Variants in SGCZ observed in about 807,000 individuals in gnomAD.
SGCZ encodes the protein zeta-sarcoglycan.
A neutral mutation model predicts 41.3 loss-of-function variants in SGCZ; 40 were observed. The ratio of observed to expected loss-of-function variants is 0.97; its 90% CI spans 0.75 to 1.26. SGCZ has a LOEUF of 1.26. SGCZ is among the 50% of genes most tolerant of loss of function. SGCZ has a pLI of 0.00. For missense variants in SGCZ, 552 were observed against 369.8 expected, an observed-to-expected ratio of 1.49 and a Z score of -4.04; for synonymous variants, 206 against 137.5, an observed-to-expected ratio of 1.50 and a Z score of -3.49.
At chr8:14,401,329 C>A (rs976127498) in intron 2 of SGCZ, among the ~76,000 whole-genome samples, 2 of 150,980 alleles carry the variant, frequency 1.3e-5, no homozygotes, top group Non-Finnish European at 2.9e-5. Context: ...GGTACATGTG[C>A]ACATTGTGCA....
intron 1 of SGCZ, among the ~76,000 whole-genome samples, chr8:14,616,473 A>C: frequency 6.6e-6 from 1 of 152,206 alleles, no homozygotes. Flanking sequence ...CAGTAAAAAA[A>C]TGTTATTTTT....
intron 1 of SGCZ, among the ~76,000 whole-genome samples, chr8:14,702,928 GATA>G (rs879312609): frequency 0.083 from 5,839 of 70,250 alleles, 140 homozygotes; most frequent in South Asian, 0.14. Context: ...TAGGTAGGTA[GATA>G]GATAGATAGA....
intron 1 of SGCZ, among the ~76,000 whole-genome samples, chr8:14,651,553 T>C (rs73188153): frequency 0.039 from 5,923 of 152,200 alleles, 170 homozygotes; most frequent in South Asian, 0.14. Context: ...TTTTGTGTTT[T>C]CTTAATCTTT....
chr8:15,094,139 A>T (rs28516917), intron 1 of SGCZ, among the ~76,000 whole-genome samples: 40,870 of 151,580 alleles, frequency 0.27, 5,622 homozygotes, highest in East Asian at 0.39. Context: ...GGTTTTTTTT[A>T]AATTTTTTTT....
intron 2 of SGCZ, among the ~76,000 whole-genome samples, chr8:14,464,347 C>T (rs1298646690): frequency 7.3e-5 from 11 of 151,296 alleles, no homozygotes; most frequent in Non-Finnish European, 8.9e-5. Flanking sequence ...TTTTGTCTTT[C>T]TATGAAGTTG....
At chr8:14,848,459 T>G (rs964779442) in intron 1 of SGCZ, among the ~76,000 whole-genome samples, 1 of 152,176 alleles carries the variant, frequency 6.6e-6, no homozygotes, top group Non-Finnish European at 1.5e-5. Flanking sequence ...ATAGACATTA[T>G]AAAGCTCTTA....
At chr8:14,719,563 G>A (rs1197790049) in intron 1 of SGCZ, among the ~76,000 whole-genome samples, 1 of 151,764 alleles carries the variant, frequency 6.6e-6, no homozygotes, top group East Asian at 1.9e-4. Flanking sequence ...GTGTGAGATG[G>A]TATCTCATTG....
intron 2 of SGCZ, among the ~76,000 whole-genome samples, chr8:14,509,709 C>A (rs1012351926): frequency 5.3e-5 from 8 of 152,100 alleles, no homozygotes; most frequent in African/African-American, 1.9e-4. Flanking sequence ...TAAAGAAATA[C>A]CTGACACAGG....
intron 1 of SGCZ, among the ~76,000 whole-genome samples, chr8:15,103,157 T>A (rs1196827499): frequency 6.6e-6 from 1 of 152,050 alleles, no homozygotes; most frequent in African/African-American, 2.4e-5. Flanking sequence ...TCCCAGCACT[T>A]TGGGAGGCCA....
At chr8:14,700,821 AC>A (rs1218248781) in intron 1 of SGCZ, among the ~76,000 whole-genome samples, 1 of 151,932 alleles carries the variant, frequency 6.6e-6, no homozygotes, top group East Asian at 1.9e-4. Context: ...GCCAACTGCC[AC>A]CACAAAGGGA....
intron 1 of SGCZ, among the ~76,000 whole-genome samples, chr8:14,883,458 T>C (rs1476128167): frequency 6.6e-6 from 1 of 151,924 alleles, no homozygotes; most frequent in Non-Finnish European, 1.5e-5. Context: ...AAAAATGAGT[T>C]TCAGTGCTTA....
chr8:15,072,599 C>T (rs527338544), intron 1 of SGCZ, among the ~76,000 whole-genome samples: 3 of 152,168 alleles, frequency 2.0e-5, no homozygotes, highest in Middle Eastern at 3.4e-3. Context: ...GGATATAGAA[C>T]ATTAAATTTG....
chr8:14,964,132 C>T (rs980602330), intron 1 of SGCZ, among the ~76,000 whole-genome samples: 3 of 152,056 alleles, frequency 2.0e-5, no homozygotes, highest in African/African-American at 7.2e-5. Flanking sequence ...TTAGTTAATC[C>T]CCTCCACTTC....
intron 1 of SGCZ, among the ~76,000 whole-genome samples, chr8:14,788,559 G>T (rs543828592): frequency 3.3e-5 from 5 of 152,198 alleles, no homozygotes; most frequent in Admixed American, 6.5e-5. Flanking sequence ...TTAAATCATG[G>T]AACATCAGTA....
intron 1 of SGCZ, among the ~76,000 whole-genome samples, chr8:14,727,634 C>G (rs1378917420): frequency 6.6e-6 from 1 of 151,746 alleles, no homozygotes; most frequent in Non-Finnish European, 1.5e-5. Flanking sequence ...CCTGAGCCTC[C>G]CGAGTAGCTG....
At chr8:14,503,217 G>T (rs993048708) in intron 2 of SGCZ, among the ~76,000 whole-genome samples, 1 of 152,066 alleles carries the variant, frequency 6.6e-6, no homozygotes. Context: ...AACACTGCAT[G>T]TTCTCACTCA....
At chr8:15,047,551 A>G (rs1804356911) in intron 1 of SGCZ, among the ~76,000 whole-genome samples, 2 of 152,052 alleles carry the variant, frequency 1.3e-5, no homozygotes, top group Admixed American at 1.3e-4. Flanking sequence ...ACAACATAAT[A>G]CAAAATTCAC....
chr8:14,675,532 A>T (rs1170856065), intron 1 of SGCZ, among the ~76,000 whole-genome samples: 2 of 152,100 alleles, frequency 1.3e-5, no homozygotes, highest in Admixed American at 6.6e-5. Flanking sequence ...ACACTTTACC[A>T]TTGTATATAT....
At chr8:14,633,428 A>G (rs961183880) in intron 1 of SGCZ, among the ~76,000 whole-genome samples, 2 of 152,032 alleles carry the variant, frequency 1.3e-5, no homozygotes, top group African/African-American at 4.8e-5. Context: ...TAAGTAACCT[A>G]TTACTTAACA....
Sources: gnomAD v4.1 joint callset for allele counts (sites outside exome capture counted in the v4.1 genomes callset) on GRCh38, gnomAD v4.1.1 for gene constraint, MANE v1.5 for transcripts, NCBI Gene and HGNC (gene_info 2026-07-23, HGNC 2026-07-21) for gene names.